PRKCE: variants seen among roughly 807,000 people sequenced by gnomAD.
PRKCE encodes protein kinase C epsilon, also known as protein kinase C epsilon type.
A neutral mutation model predicts 85.4 loss-of-function variants in PRKCE; 16 were observed. The observed-to-expected ratio is 0.19, with a 90% CI of 0.13 to 0.28. The LOEUF (loss-of-function observed/expected upper bound fraction) is 0.28, where lower values mean the gene tolerates loss of function less well. Ranked by LOEUF, PRKCE falls within the 10% of genes least tolerant of loss-of-function variation. The probability of loss-of-function intolerance (pLI) is 1.00; values close to 1 mark genes in which losing one functional copy is unlikely to be tolerated. For synonymous variants in PRKCE, 388 were observed against 371.5 expected, an observed-to-expected ratio of 1.04 and a Z score of -0.51; for missense variants, 573 against 975.2, an observed-to-expected ratio of 0.59 and a Z score of 5.49.
intron 2 of PRKCE, among the ~76,000 whole-genome samples, chr2:45,919,291 G>A (rs901972792): frequency 2.0e-5 from 3 of 152,210 alleles, no homozygotes; most frequent in Non-Finnish European, 2.9e-5. Flanking sequence ...GAAACCAGGT[G>A]TGGGAAGGCT....
chr2:45,794,854 C>T (rs571619881), intron 1 of PRKCE, among the ~76,000 whole-genome samples: 1 of 151,308 alleles, frequency 6.6e-6, no homozygotes, highest in Non-Finnish European at 1.5e-5. Flanking sequence ...TACCCCCCCC[C>T]CCATCCACCA....
intron 2 of PRKCE, among the ~76,000 whole-genome samples, chr2:45,886,920 G>A (rs912671414): frequency 1.3e-5 from 2 of 152,134 alleles, no homozygotes; most frequent in South Asian, 2.1e-4. Flanking sequence ...AAGACCTTTC[G>A]GGTCTACTCT....
At position 45,988,606 on chromosome 2, in the gene PRKCE, C is replaced by A. The variant is rs537873755; in HGVS notation, c.823+3926C>A. Among the ~76,000 whole-genome samples the A allele has an allele frequency of 3.3e-5, 5 of 152,184 alleles. No individual in the cohort carries two copies. The South Asian group carries it at 1.0e-3, about 31-fold the overall frequency. On this transcript the variant is annotated intron_variant, in intron 6 of 14. Coordinates refer to ENST00000306156, the MANE Select transcript of PRKCE (RefSeq NM_005400.3). Reference sequence around the variant, plus strand: ...ATCATTGGGTAACTGAGATCCTTAACCGAGGGCAGAAAAATGCTGGCACAA... The same window carrying A: ...ATCATTGGGTAACTGAGATCCTTAAACGAGGGCAGAAAAATGCTGGCACAA...
At chr2:45,791,046 A>G (rs1355425672) in intron 1 of PRKCE, among the ~76,000 whole-genome samples, 3 of 152,202 alleles carry the variant, frequency 2.0e-5, no homozygotes, top group African/African-American at 7.2e-5. Context: ...CCACCTCCGC[A>G]CAAACGTCTG....
intron 2 of PRKCE, among the ~76,000 whole-genome samples, chr2:45,904,050 C>G (rs952517350): frequency 2.0e-5 from 3 of 151,872 alleles, no homozygotes; most frequent in Non-Finnish European, 4.4e-5. Context: ...ATTACAGGCA[C>G]GCACTACCAC....
chr2:46,062,409 G>A (rs72876196), intron 10 of PRKCE, among the ~76,000 whole-genome samples: 81 of 152,220 alleles, frequency 5.3e-4, no homozygotes, highest in African/African-American at 1.9e-3. Flanking sequence ...CTCTTTCAAA[G>A]TGTGCCCCTT....
At chr2:45,769,271 C>A (rs1409640765) in intron 1 of PRKCE, among the ~76,000 whole-genome samples, 5 of 152,164 alleles carry the variant, frequency 3.3e-5, no homozygotes, top group Middle Eastern at 3.2e-3. Context: ...GTGAGTCAAG[C>A]TGCATTTCCT....
intron 10 of PRKCE, among the ~76,000 whole-genome samples, chr2:46,034,500 AG>A (rs1173332057): frequency 6.6e-6 from 1 of 152,232 alleles, no homozygotes; most frequent in Non-Finnish European, 1.5e-5. Flanking sequence ...CATTGCATAT[AG>A]ATCTCTAGCC....
intron 11 of PRKCE, 102 bp downstream of exon 11, chr2:46,086,464 C>G: frequency 1.5e-6 from 2 of 1,371,514 alleles, no homozygotes; most frequent in Non-Finnish European, 2.0e-6. Context: ...TCTTAGCAAC[C>G]TGCTTTAGAT....
At position 45,687,994 on chromosome 2, in the gene PRKCE, C is replaced by T. The variant is rs568684965; in HGVS notation, c.348+35546C>T. Among the ~76,000 whole-genome samples the T allele has an allele frequency of 3.0e-4, 45 of 152,192 alleles. 1 individual carries two copies. The highest frequency in any genetic ancestry group is 5.4e-4 in the Non-Finnish European group (37 of 68,038). On this transcript the variant is annotated intron_variant, in intron 1 of 14. Transcript: ENST00000306156. ...AGCGTTAGCACCCAGAAGATGTGCT[C>T]CTCCCCACTAGGAATCTAGCTCTGG...
intron 6 of PRKCE, among the ~76,000 whole-genome samples, chr2:45,993,621 A>T (rs903005666): frequency 7.2e-5 from 11 of 152,166 alleles, no homozygotes; most frequent in African/African-American, 2.7e-4. Context: ...TATGTAGACA[A>T]GTTAGTTGCC....
At chr2:46,085,855 A>T (rs1221247844) in intron 10 of PRKCE, among the ~76,000 whole-genome samples, 1 of 151,296 alleles carries the variant, frequency 6.6e-6, no homozygotes, top group Non-Finnish European at 1.5e-5. Flanking sequence ...TACCACACAT[A>T]TAAAGACAAC....
chr2:45,924,559 G>A (rs1014437768), intron 2 of PRKCE, among the ~76,000 whole-genome samples: 33 of 152,172 alleles, frequency 2.2e-4, no homozygotes, highest in African/African-American at 5.3e-4. Context: ...TGGACCTTTA[G>A]GCTGGTTGTT....
intron 2 of PRKCE, among the ~76,000 whole-genome samples, chr2:45,933,513 G>A (rs530587153): frequency 2.0e-3 from 224 of 113,250 alleles, no homozygotes; most frequent in Non-Finnish European, 2.8e-3. Flanking sequence ...TCGCTCTGCC[G>A]CCCAGGCTGG....
chr2:45,865,055 A>G (rs1253769941), intron 2 of PRKCE, among the ~76,000 whole-genome samples: 2 of 152,230 alleles, frequency 1.3e-5, no homozygotes, highest in African/African-American at 2.4e-5. Flanking sequence ...AGAGTAGGAC[A>G]TCTCAAACTT....
intron 2 of PRKCE, among the ~76,000 whole-genome samples, chr2:45,947,317 G>A (rs1444867107): frequency 2.0e-5 from 3 of 152,088 alleles, no homozygotes; most frequent in African/African-American, 7.2e-5. Flanking sequence ...AGGGGGTGGG[G>A]GAGAGAGGCA....
chr2:45,826,441 G>T (rs1689947245), intron 1 of PRKCE, among the ~76,000 whole-genome samples: 1 of 152,174 alleles, frequency 6.6e-6, no homozygotes, highest in African/African-American at 2.4e-5. Flanking sequence ...ATAGCCTTAT[G>T]TCATTTTGGG....
intron 10 of PRKCE, among the ~76,000 whole-genome samples, chr2:46,036,669 C>G (rs1482032529): frequency 6.6e-6 from 1 of 152,126 alleles, no homozygotes; most frequent in African/African-American, 2.4e-5. Context: ...TCTCAAAACT[C>G]TCAGAGGGGA....
chr2:46,006,892 A>G (rs576556779), intron 8 of PRKCE, among the ~76,000 whole-genome samples: 8 of 152,340 alleles, frequency 5.3e-5, no homozygotes, highest in African/African-American at 1.9e-4. Context: ...ATTTTGTTAG[A>G]TAACCTTGTG....
Sources: gnomAD v4.1 joint callset for allele counts (sites outside exome capture counted in the v4.1 genomes callset) on GRCh38, gnomAD v4.1.1 for gene constraint, MANE v1.5 for transcripts, NCBI Gene and HGNC (gene_info 2026-07-23, HGNC 2026-07-21) for gene names.